The following DROSHA variants were observed in gnomAD, a reference collection of about 807,000 sequenced individuals.
The protein encoded by DROSHA is ribonuclease 3.
In DROSHA, 56 loss-of-function variants were observed where a neutral mutation model predicts 181.9. That is an observed-to-expected ratio of 0.31 (90% CI 0.25 to 0.38). The LOEUF is 0.38. Among genes scored for constraint, DROSHA ranks in the 10% least tolerant of loss-of-function variants. The pLI is 1.00. For synonymous variants in DROSHA, 524 were observed against 591.2 expected (o/e 0.89, Z 1.65); for missense variants, 1,218 against 1,743.5 (o/e 0.70, Z 5.37).
chr5:31,498,974 A>G (rs1216984830), intron 11 of DROSHA, among the ~76,000 whole-genome samples: 1 of 152,146 alleles, frequency 6.6e-6, no homozygotes, highest in African/African-American at 2.4e-5. Context: ...TGTGCCACGC[A>G]GACCCACGTT....
At chr5:31,452,109 T>C (rs1426571825) in intron 20 of DROSHA, among the ~76,000 whole-genome samples, 1 of 152,194 alleles carries the variant, frequency 6.6e-6, no homozygotes, top group African/African-American at 2.4e-5. Context: ...CTGTGCCTCC[T>C]TGTCTATCTT....
rs1472638449 is a variant in DROSHA at position 31,526,533 on chromosome 5, C to T, written c.400G>A (p.Gly134Arg). The T allele has an allele frequency of 1.9e-6, 3 of 1,564,018 alleles. No individual in the cohort carries two copies. The highest frequency in any genetic ancestry group is 2.6e-6 in the Non-Finnish European group (3 of 1,154,706). The change falls in exon 5 of 36, where the codon GGG (glycine) becomes AGG (arginine). Residue 134 changes from glycine (G) to arginine (R), a missense_variant. By Grantham distance (125) the Gly-to-Arg change is moderately radical (BLOSUM62 -2). Coordinates refer to ENST00000344624, the MANE Select transcript of DROSHA (RefSeq NM_001382508.1). The stretch of plus-strand genomic sequence containing the variant: ...AAAGTGCCTTGTCCAGGAGGTGCCC[C>T]AGGGACTGGGGGGTTATTAGGACAA... ...MPCPNNPPVP[G>R]APPGQGTFPF...
rs115484793 is a variant in DROSHA, at chr5:31,402,274, G to C, written c.3995-712C>G. ...TTGTTTGCTTTAAGGACAATGCGTA[G>C]TGAAGTGGATCTACATATACAGCAG... On this transcript the variant is annotated intron_variant, in intron 35 of 35. Transcript: ENST00000344624. Among the ~76,000 whole-genome samples, 1,403 of 152,298 alleles carry C rather than the reference G, an allele frequency of 9.2e-3. 7 individuals are homozygous for C. Among genetic ancestry groups the C allele is most frequent in the Non-Finnish European group, 0.014 (936 of 68,024 alleles).
chr5:31,483,189 C>T (rs1156246737), intron 16 of DROSHA, among the ~76,000 whole-genome samples: 1 of 151,958 alleles, frequency 6.6e-6, no homozygotes. Flanking sequence ...ACTATTATTA[C>T]AGTAATTTTT....
intron 16 of DROSHA, among the ~76,000 whole-genome samples, chr5:31,473,320 GTC>G (rs1325797235): frequency 6.6e-6 from 1 of 152,198 alleles, no homozygotes; most frequent in Non-Finnish European, 1.5e-5. Flanking sequence ...AAGACTGCAT[GTC>G]TGAGAGAAAA....
intron 16 of DROSHA, among the ~76,000 whole-genome samples, chr5:31,475,669 G>A (rs1395811636): frequency 6.6e-6 from 1 of 152,240 alleles, no homozygotes; most frequent in African/African-American, 2.4e-5. Flanking sequence ...TATACTTGGT[G>A]AGATTACTTA....
At chr5:31,503,701 T>TG (rs1561264946) in intron 11 of DROSHA, among the ~76,000 whole-genome samples, 1 of 152,200 alleles carries the variant, frequency 6.6e-6, no homozygotes, top group Non-Finnish European at 1.5e-5. Context: ...TCACAGGTGT[T>TG]GATCCCTCGT....
intron 9 of DROSHA, among the ~76,000 whole-genome samples, chr5:31,509,210 G>T (rs921642852): frequency 6.6e-6 from 1 of 151,624 alleles, no homozygotes; most frequent in African/African-American, 2.4e-5. Flanking sequence ...ATACTTAAAG[G>T]CCTACTCTAC....
chr5:31,491,857 T>C (rs1435567793), intron 13 of DROSHA, among the ~76,000 whole-genome samples: 2 of 152,236 alleles, frequency 1.3e-5, no homozygotes, highest in African/African-American at 2.4e-5. Context: ...TGCAGCAGCA[T>C]GATCTCGGCT....
chr5:31,446,304 G>A (rs534806468), intron 23 of DROSHA, among the ~76,000 whole-genome samples: 43 of 151,934 alleles, frequency 2.8e-4, no homozygotes, highest in African/African-American at 9.9e-4. Context: ...AAAATTAGCC[G>A]GGTGTGGTGG....
At chr5:31,461,765 T>A (rs1291137070) in intron 20 of DROSHA, among the ~76,000 whole-genome samples, 2 of 47,314 alleles carry the variant, frequency 4.2e-5, no homozygotes, top group East Asian at 6.1e-4. Flanking sequence ...ACTGTAAGGT[T>A]TTTTTTTTTT....
chr5:31,486,483 T>A lies in DROSHA; in HGVS notation c.1914+8A>T, dbSNP rs1285876969. On this transcript the variant is annotated splice_region_variant and intron_variant, in intron 14 of 35. Transcript: ENST00000344624. ...CTACATCAAACCACACACAATCTTT[T>A]CCCTTACCTCCGGCATCATCTCTTC... The A allele has an allele frequency of 6.2e-7, 1 of 1,613,366 alleles. No homozygotes were observed. Among genetic ancestry groups the A allele is most frequent in the Non-Finnish European group, 8.5e-7 (1 of 1,179,668 alleles).
chr5:31,529,751 A>C (rs562670500), intron 3 of DROSHA, among the ~76,000 whole-genome samples: 71 of 151,084 alleles, frequency 4.7e-4, no homozygotes, highest in Non-Finnish European at 8.4e-4. Flanking sequence ...AAAAAAACAA[A>C]AAAAAAAACA....
At chr5:31,503,930 A>C (rs1737605370) in intron 11 of DROSHA, among the ~76,000 whole-genome samples, 1 of 152,220 alleles carries the variant, frequency 6.6e-6, no homozygotes. Flanking sequence ...TACATATACT[A>C]TGTTTAAATA....
intron 35 of DROSHA, among the ~76,000 whole-genome samples, chr5:31,402,690 C>T (rs1740161083): frequency 6.6e-6 from 1 of 152,096 alleles, no homozygotes; most frequent in Non-Finnish European, 1.5e-5. Context: ...GTATACCATC[C>T]TTACACCAGG....
At chr5:31,506,818 T>C (rs1738027195) in intron 10 of DROSHA, among the ~76,000 whole-genome samples, 1 of 152,182 alleles carries the variant, frequency 6.6e-6, no homozygotes, top group Admixed American at 6.5e-5. Context: ...AGAGACATCC[T>C]ACATGCTTGC....
At chr5:31,401,672 G>T in intron 35 of DROSHA, 110 bp from the exon 36 acceptor site, 1 of 651,234 alleles carries the variant, frequency 1.5e-6, no homozygotes, top group Non-Finnish European at 2.0e-6. Flanking sequence ...CATATGAAAT[G>T]TGTATAATTG....
intron 11 of DROSHA, among the ~76,000 whole-genome samples, chr5:31,497,451 A>G (rs1055429102): frequency 2.0e-5 from 3 of 152,210 alleles, no homozygotes; most frequent in African/African-American, 7.2e-5. Flanking sequence ...ACATCCAGAC[A>G]GTCCTCCTCC....
chr5:31,482,743 A>C (rs1234185448), intron 16 of DROSHA, among the ~76,000 whole-genome samples: 1 of 149,930 alleles, frequency 6.7e-6, no homozygotes, highest in Non-Finnish European at 1.5e-5. Context: ...AGGAGTGGGA[A>C]TAGGGTGCCA....
Sources: gnomAD v4.1 joint callset for allele counts (sites outside exome capture counted in the v4.1 genomes callset) on GRCh38, gnomAD v4.1.1 for gene constraint, MANE v1.5 for transcripts, NCBI Gene and HGNC (gene_info 2026-07-23, HGNC 2026-07-21) for gene names.